The following SLC24A2 variants were observed in gnomAD, a reference collection of about 807,000 sequenced individuals.
SLC24A2 encodes solute carrier family 24 member 2, also known as sodium/potassium/calcium exchanger 2.
SLC24A2 carries 36 observed loss-of-function variants against 62.0 expected under a neutral mutation model. The observed-to-expected ratio is 0.58, with a 90% CI of 0.44 to 0.77. The LOEUF (loss-of-function observed/expected upper bound fraction) is 0.77, where lower values mean the gene tolerates loss of function less well. Among genes scored for constraint, SLC24A2 ranks in the 30% least tolerant of loss-of-function variants. The pLI, the probability that SLC24A2 is intolerant of heterozygous loss-of-function variation, is 0.00. For synonymous variants in SLC24A2, 358 were observed against 294.0 expected, an observed-to-expected ratio of 1.22 and a Z score of -2.23; for missense variants, 846 against 817.9, an observed-to-expected ratio of 1.03 and a Z score of -0.42.
chr9:19,908,226 C>A, the SLC24A2 span, among the ~76,000 whole-genome samples: 142 of 152,228 alleles, frequency 9.3e-4, no homozygotes, highest in African/African-American at 3.2e-3. Context: ...CAAAAACAAG[C>A]AATGGGGAAA....
At chr9:19,700,323 T>G (rs1820319175) in intron 2 of SLC24A2, among the ~76,000 whole-genome samples, 1 of 152,154 alleles carries the variant, frequency 6.6e-6, no homozygotes, top group African/African-American at 2.4e-5. Context: ...TTAGCTTTCT[T>G]CCTTTCTTAG....
the SLC24A2 span, among the ~76,000 whole-genome samples, chr9:19,872,918 T>C: frequency 6.6e-6 from 1 of 152,202 alleles, no homozygotes; most frequent in African/African-American, 2.4e-5. Context: ...TGCTGGAGAT[T>C]AGCTCCTTAA....
At chr9:19,559,142 C>A (rs1238447765) in intron 7 of SLC24A2, among the ~76,000 whole-genome samples, 1 of 152,074 alleles carries the variant, frequency 6.6e-6, no homozygotes, top group Admixed American at 6.5e-5. Flanking sequence ...ACAAATGTTA[C>A]TTAATTAAAG....
At chr9:19,546,337 A>G (rs1448521261) in intron 8 of SLC24A2, among the ~76,000 whole-genome samples, 3 of 152,060 alleles carry the variant, frequency 2.0e-5, no homozygotes, top group Admixed American at 1.3e-4. Flanking sequence ...TGGGGGTTTT[A>G]TCTATATGTT....
the SLC24A2 span, among the ~76,000 whole-genome samples, chr9:20,062,836 T>C: frequency 7.7e-6 from 1 of 129,380 alleles, no homozygotes; most frequent in Non-Finnish European, 1.6e-5. Context: ...GTGAAGGACA[T>C]GAACAGACAC....
chr9:19,906,843 C>G, the SLC24A2 span, among the ~76,000 whole-genome samples: 3 of 152,030 alleles, frequency 2.0e-5, no homozygotes, highest in African/African-American at 4.8e-5. Flanking sequence ...AATAGCTTAC[C>G]AACCAAAAAA....
chr9:19,903,203 A>G, the SLC24A2 span, among the ~76,000 whole-genome samples: 1 of 152,092 alleles, frequency 6.6e-6, no homozygotes, highest in Non-Finnish European at 1.5e-5. Flanking sequence ...TATTTCTCCC[A>G]GTTGTAAAGG....
At chr9:19,832,498 C>T in the SLC24A2 span, among the ~76,000 whole-genome samples, 1 of 152,140 alleles carries the variant, frequency 6.6e-6, no homozygotes. Context: ...GGAAACGATT[C>T]CCTATTTAAT....
At chr9:19,946,470 C>G in the SLC24A2 span, among the ~76,000 whole-genome samples, 3 of 152,272 alleles carry the variant, frequency 2.0e-5, no homozygotes, top group East Asian at 5.8e-4. Flanking sequence ...TCTGATCTGT[C>G]CTGAATTCAA....
chr9:20,131,146 A>T, the SLC24A2 span, among the ~76,000 whole-genome samples: 22,718 of 151,476 alleles, frequency 0.15, 1,943 homozygotes, highest in Middle Eastern at 0.2. Flanking sequence ...TGCTTTTCAA[A>T]GAAGCAATAC....
intron 9 of SLC24A2, among the ~76,000 whole-genome samples, chr9:19,523,871 C>T (rs1833310169): frequency 6.6e-6 from 1 of 152,180 alleles, no homozygotes. Flanking sequence ...GGCCAATTCA[C>T]ATCATGGAAA....
chr9:19,517,026 T>C (rs965199251), intron 10 of SLC24A2, among the ~76,000 whole-genome samples: 5 of 152,230 alleles, frequency 3.3e-5, no homozygotes, highest in African/African-American at 4.8e-5. Context: ...ATTTGTGATG[T>C]GTGTGTTTTT....
chr9:20,283,998 G>C, the SLC24A2 span, among the ~76,000 whole-genome samples: 1 of 152,094 alleles, frequency 6.6e-6, no homozygotes, highest in East Asian at 1.9e-4. Flanking sequence ...CTTTTCCCTG[G>C]GTTCTACATT....
At chr9:19,857,232 C>T in the SLC24A2 span, among the ~76,000 whole-genome samples, 2 of 152,160 alleles carry the variant, frequency 1.3e-5, no homozygotes, top group African/African-American at 2.4e-5. Context: ...GCATCATTCC[C>T]AACTTTGGCT....
At chr9:20,061,523 A>T in the SLC24A2 span, among the ~76,000 whole-genome samples, 2 of 151,954 alleles carry the variant, frequency 1.3e-5, no homozygotes, top group Non-Finnish European at 2.9e-5. Context: ...CTGACCTCAA[A>T]TGATCCACCT....
the SLC24A2 span, among the ~76,000 whole-genome samples, chr9:19,851,458 T>G: frequency 6.6e-6 from 1 of 152,098 alleles, no homozygotes; most frequent in Non-Finnish European, 1.5e-5. Context: ...TACTAGTTAT[T>G]TGTCCTGATG....
chr9:19,608,379 C>A (rs1029371681), intron 4 of SLC24A2, among the ~76,000 whole-genome samples: 51 of 151,368 alleles, frequency 3.4e-4, no homozygotes, highest in Non-Finnish European at 7.4e-4. Flanking sequence ...AGACAAAAAG[C>A]AAACCCAGCA....
chr9:19,701,881 G>A (rs1249869503), intron 2 of SLC24A2, among the ~76,000 whole-genome samples: 1 of 152,022 alleles, frequency 6.6e-6, no homozygotes, highest in African/African-American at 2.4e-5. Flanking sequence ...ATCCCACTTT[G>A]GCACAATCCA....
the SLC24A2 span, among the ~76,000 whole-genome samples, chr9:19,910,892 T>G: frequency 2.9e-5 from 1 of 34,566 alleles, no homozygotes; most frequent in Non-Finnish European, 1.4e-4. Context: ...GGTCCTTTTT[T>G]TTTTCTTTTC....
Sources: gnomAD v4.1 joint callset for allele counts (sites outside exome capture counted in the v4.1 genomes callset) on GRCh38, gnomAD v4.1.1 for gene constraint, MANE v1.5 for transcripts, NCBI Gene and HGNC (gene_info 2026-07-23, HGNC 2026-07-21) for gene names.